Variants in CCDC148 observed in about 807,000 individuals in gnomAD.
The protein encoded by CCDC148 is coiled-coil domain-containing protein 148.
In CCDC148, 89 loss-of-function variants were observed where a neutral mutation model predicts 85.7. The ratio of observed to expected loss-of-function variants is 1.04; its 90% CI spans 0.87 to 1.24. The LOEUF (loss-of-function observed/expected upper bound fraction) is 1.24, where lower values mean the gene tolerates loss of function less well. Ranked by LOEUF, CCDC148 falls within the 50% of genes most tolerant of loss-of-function variation. The pLI is 0.00. For missense variants in CCDC148, 692 were observed against 671.7 expected (o/e 1.03, Z -0.33); for synonymous variants, 230 against 213.9 (o/e 1.08, Z -0.66).
At chr2:158,428,663 T>C (rs1687186201) in intron 1 of CCDC148, among the ~76,000 whole-genome samples, 1 of 129,878 alleles carries the variant, frequency 7.7e-6, no homozygotes, top group East Asian at 2.0e-4. Flanking sequence ...TGTAGAGAAA[T>C]AGGAACACTT....
intron 9 of CCDC148, among the ~76,000 whole-genome samples, chr2:158,284,356 GT>G (rs1169603275): frequency 6.6e-6 from 1 of 151,928 alleles, no homozygotes; most frequent in Non-Finnish European, 1.5e-5. Context: ...TAACTATTCA[GT>G]ATTTTTTATA....
intron 10 of CCDC148, among the ~76,000 whole-genome samples, chr2:158,222,185 T>G (rs1486734742): frequency 1.3e-5 from 2 of 152,224 alleles, no homozygotes; most frequent in East Asian, 3.8e-4. Context: ...TCTGGGTTAA[T>G]GCAGACCAAT....
chr2:158,307,651 T>A (rs1384440280), intron 9 of CCDC148, among the ~76,000 whole-genome samples: 2 of 152,144 alleles, frequency 1.3e-5, no homozygotes, highest in African/African-American at 2.4e-5. Context: ...TGAAAACGGC[T>A]CAAATTTCTG....
chr2:158,423,625 C>A (rs1686918363), intron 1 of CCDC148, among the ~76,000 whole-genome samples: 1 of 152,062 alleles, frequency 6.6e-6, no homozygotes, highest in Non-Finnish European at 1.5e-5. Flanking sequence ...AGAAAAAAAC[C>A]TAGGCAATAC....
intron 9 of CCDC148, among the ~76,000 whole-genome samples, chr2:158,281,446 T>A (rs1690294739): frequency 6.6e-6 from 1 of 151,782 alleles, no homozygotes; most frequent in South Asian, 2.1e-4. Context: ...AAAGGGGATA[T>A]CACCACCGAT....
At chr2:158,326,626 T>G (rs1254850554) in intron 7 of CCDC148, among the ~76,000 whole-genome samples, 2 of 152,180 alleles carry the variant, frequency 1.3e-5, no homozygotes, top group Non-Finnish European at 2.9e-5. Context: ...GGGATTTTAA[T>G]CATTTGTACC....
intron 7 of CCDC148, among the ~76,000 whole-genome samples, chr2:158,323,227 C>T (rs1193312135): frequency 2.6e-5 from 4 of 152,138 alleles, no homozygotes; most frequent in Non-Finnish European, 5.9e-5. Flanking sequence ...TAGCCCCTAG[C>T]CACATGTGGC....
intron 1 of CCDC148, 119 bp downstream of exon 1, chr2:158,456,296 G>T: frequency 1.0e-6 from 1 of 998,978 alleles, no homozygotes; most frequent in Non-Finnish European, 1.6e-6. Flanking sequence ...CCAAAACGTT[G>T]AGGAAAGATC....
intron 2 of CCDC148, among the ~76,000 whole-genome samples, chr2:158,351,713 C>T (rs1420375204): frequency 2.5e-4 from 37 of 150,478 alleles, no homozygotes; most frequent in Non-Finnish European, 3.3e-4. Flanking sequence ...TCCAACTGGG[C>T]GGAGCCCACC....
chr2:158,304,577 C>T (rs1325198768), intron 9 of CCDC148, among the ~76,000 whole-genome samples: 1 of 152,082 alleles, frequency 6.6e-6, no homozygotes, highest in Non-Finnish European at 1.5e-5. Context: ...TACCATTAGC[C>T]AGTGGTTTCT....
At position 158,240,468 on chromosome 2, in the gene CCDC148, A is replaced by T. The variant is rs1688308235; in HGVS notation, c.1251+10304T>A. Reference sequence around the variant, plus strand: ...CTCTCTCTCTCACACACACACACACACACACACACACACACACACACACCT... The same window carrying T: ...CTCTCTCTCTCACACACACACACACTCACACACACACACACACACACACCT... On this transcript the variant is annotated intron_variant, in intron 10 of 13. Transcript: ENST00000283233. Among the ~76,000 whole-genome samples the T allele has an allele frequency of 2.6e-5, 4 of 151,102 alleles. No individual in the cohort carries two copies. The South Asian group carries it at 8.5e-4, about 32-fold the overall frequency.
chr2:158,306,230 A>T (rs113878798), intron 9 of CCDC148, among the ~76,000 whole-genome samples: 1 of 152,088 alleles, frequency 6.6e-6, no homozygotes, highest in South Asian at 2.1e-4. Flanking sequence ...TGCATTAAAA[A>T]TAGTGATTTT....
intron 11 of CCDC148, among the ~76,000 whole-genome samples, chr2:158,208,681 G>T (rs1574404360): frequency 6.6e-6 from 1 of 152,146 alleles, no homozygotes; most frequent in East Asian, 1.9e-4. Context: ...GAAGGGAGTT[G>T]GGTTCCAATC....
chr2:158,350,674 G>A (rs1468466628), intron 2 of CCDC148, among the ~76,000 whole-genome samples: 1 of 152,032 alleles, frequency 6.6e-6, no homozygotes, highest in East Asian at 1.9e-4. Flanking sequence ...AAATTGGGGT[G>A]GGATAATGCA....
chr2:158,355,233 A>G (rs1300366915), intron 2 of CCDC148, among the ~76,000 whole-genome samples: 5 of 152,130 alleles, frequency 3.3e-5, no homozygotes, highest in African/African-American at 4.8e-5. Context: ...GGCCAGGGCA[A>G]TTAGGCAGGA....
intron 10 of CCDC148, among the ~76,000 whole-genome samples, chr2:158,235,069 A>C (rs1182774587): frequency 1.3e-5 from 2 of 152,182 alleles, no homozygotes; most frequent in Non-Finnish European, 2.9e-5. Context: ...TACAACAAAC[A>C]CCCATGAAAC....
rs114695243 is a variant in CCDC148 at position 158,242,499 on chromosome 2, G to C, written c.1251+8273C>G. Among the ~76,000 whole-genome samples the C allele has an allele frequency of 2.5e-3, 375 of 152,260 alleles. 2 individuals are homozygous for C. The highest frequency in any genetic ancestry group is 8.7e-3 in the African/African-American group (363 of 41,552). On this transcript the variant is annotated intron_variant, in intron 10 of 13. Transcript: ENST00000283233. The stretch of plus-strand genomic sequence containing the variant: ...TCCCTCAAGGCCCCACAGTTAAGAA[G>C]TGGCAGTGCTGGAACTCCAGCTCAG...
chr2:158,188,401 T>C (rs975657279), intron 11 of CCDC148, among the ~76,000 whole-genome samples: 1 of 151,972 alleles, frequency 6.6e-6, no homozygotes, highest in Non-Finnish European at 1.5e-5. Flanking sequence ...AATCTAAAAA[T>C]AATGACTTTG....
At chr2:158,349,076 T>C (rs1194579419) in intron 2 of CCDC148, among the ~76,000 whole-genome samples, 2 of 152,010 alleles carry the variant, frequency 1.3e-5, no homozygotes, top group African/African-American at 4.8e-5. Flanking sequence ...GCAGAAATTG[T>C]GCATGATCAA....
Sources: gnomAD v4.1 joint callset for allele counts (sites outside exome capture counted in the v4.1 genomes callset) on GRCh38, gnomAD v4.1.1 for gene constraint, MANE v1.5 for transcripts, NCBI Gene and HGNC (gene_info 2026-07-23, HGNC 2026-07-21) for gene names.